ZDHHC11B: variants seen among roughly 807,000 people sequenced by gnomAD.
ZDHHC11B encodes the protein zDHHC palmitoyltransferase 11B (putative), also known as probable palmitoyltransferase ZDHHC11B.
ZDHHC11B carries 17 observed loss-of-function variants against 42.3 expected under a neutral mutation model. The ratio of observed to expected loss-of-function variants is 0.40; its 90% CI spans 0.27 to 0.60. The LOEUF is 0.60. Ranked by LOEUF, ZDHHC11B falls within the 20% of genes least tolerant of loss-of-function variation. The probability of loss-of-function intolerance (pLI) is 0.41; values close to 1 mark genes in which losing one functional copy is unlikely to be tolerated. For synonymous variants in ZDHHC11B, 123 were observed against 193.5 expected (o/e 0.64, Z 3.02); for missense variants, 262 against 463.2 (o/e 0.57, Z 3.99).
chr5:715,174 A>T (rs575635386), intron 13 of ZDHHC11B, among the ~76,000 whole-genome samples: 1 of 150,928 alleles, frequency 6.6e-6, no homozygotes, highest in South Asian at 2.1e-4. Flanking sequence ...AGACTAAGAC[A>T]CGCCTTGTGT....
intron 4 of ZDHHC11B, 98 bp downstream of exon 4, chr5:766,600 G>A: frequency 2.3e-6 from 3 of 1,302,342 alleles, no homozygotes; most frequent in Admixed American, 2.1e-5. Context: ...GGTGACTGGT[G>A]CCACCGGGCA....
At chr5:783,607 C>T (rs1303179275) in intron 1 of ZDHHC11B, among the ~76,000 whole-genome samples, 354 of 150,714 alleles carry the variant, frequency 2.3e-3, no homozygotes, top group Non-Finnish European at 3.4e-3. Context: ...AACGCAACAC[C>T]CCATCAAAAC....
chr5:730,421 C>G lies in ZDHHC11B; in HGVS notation c.1058+13G>C. The G allele has an allele frequency of 6.3e-7, 1 of 1,577,078 alleles. No individual in the cohort carries two copies. Among genetic ancestry groups the G allele is most frequent in the Non-Finnish European group, 8.6e-7 (1 of 1,168,194 alleles). On this transcript the variant is annotated intron_variant, in intron 12 of 13. Transcript: ENST00000508859. ...AGACAGATAAAACGTTCCCATTAAA[C>G]TTACGAACTTACCCAAGTGTAGATG... is the stretch of plus-strand genomic sequence containing the variant.
chr5:767,281 G>A (rs531099531), intron 3 of ZDHHC11B, 111 bp downstream of exon 3: 253 of 1,267,800 alleles, frequency 2.0e-4, no homozygotes, highest in Admixed American at 3.2e-4. Flanking sequence ...CCATCTGGAC[G>A]GCTGCGGGAT....
chr5:756,435 G>A (rs1294897213), intron 4 of ZDHHC11B, among the ~76,000 whole-genome samples: 5 of 151,718 alleles, frequency 3.3e-5, no homozygotes, highest in Middle Eastern at 3.2e-3. Flanking sequence ...GAGAAGATGA[G>A]GCTACCCATC....
At chr5:744,843 C>T (rs1415197441) in intron 9 of ZDHHC11B, among the ~76,000 whole-genome samples, 1 of 148,630 alleles carries the variant, frequency 6.7e-6, no homozygotes, top group Non-Finnish European at 1.5e-5. Context: ...TTCACTCCAC[C>T]CTGGGCAACA....
At chr5:754,250 G>A (rs1746233326) in intron 6 of ZDHHC11B, among the ~76,000 whole-genome samples, 4 of 122,610 alleles carry the variant, frequency 3.3e-5, no homozygotes, top group African/African-American at 1.2e-4. Context: ...ACCGTGCTCA[G>A]GGGAAACACC....
At chr5:763,755 AATTTTTAAGTGAGAT>A (rs1362856086) in intron 4 of ZDHHC11B, among the ~76,000 whole-genome samples, 9 of 151,926 alleles carry the variant, frequency 5.9e-5, no homozygotes, top group Non-Finnish European at 1.0e-4. Context: ...ATGGCTATAT[AATTTTTAAGTGAGAT>A]ATTTTTAAGT....
chr5:756,406 C>T (rs1466004071), intron 4 of ZDHHC11B, among the ~76,000 whole-genome samples: 1 of 151,822 alleles, frequency 6.6e-6, no homozygotes, highest in Non-Finnish European at 1.5e-5. Flanking sequence ...GCACACACAG[C>T]CCTGCTCACC....
chr5:769,847 G>C (rs1371447385), intron 1 of ZDHHC11B, among the ~76,000 whole-genome samples: 1 of 151,986 alleles, frequency 6.6e-6, no homozygotes, highest in Non-Finnish European at 1.5e-5. Flanking sequence ...CTCGGGATGT[G>C]AACCCTTCCT....
intron 12 of ZDHHC11B, 39 bp downstream of exon 12, chr5:730,395 C>T: frequency 1.3e-6 from 2 of 1,571,606 alleles, no homozygotes; most frequent in South Asian, 1.2e-5. Flanking sequence ...GGCAAGTGTA[C>T]AGACAGATAA....
chr5:744,551 C>T (rs7724634), intron 9 of ZDHHC11B, among the ~76,000 whole-genome samples: 96,183 of 145,996 alleles, frequency 0.66, 30,195 homozygotes, highest in Middle Eastern at 0.76. Context: ...GTCACTTAAC[C>T]GGAAAGGGAA....
chr5:758,223 G>A lies in ZDHHC11B; in HGVS notation c.223-2079C>T, dbSNP rs1213061704. On this transcript the variant is annotated intron_variant, in intron 4 of 13. Coordinates refer to ENST00000508859, the MANE Select transcript of ZDHHC11B (RefSeq NM_001351303.2). Reference sequence around the variant, plus strand: ...GGACAATGAGATGAGGCAGGAAGCTGCACTGTGGCCCAGGGGAAGCCCCTT... The same window carrying A: ...GGACAATGAGATGAGGCAGGAAGCTACACTGTGGCCCAGGGGAAGCCCCTT... Among the ~76,000 whole-genome samples, 9 of 151,982 alleles carry A rather than the reference G, an allele frequency of 5.9e-5. No individual in the cohort carries two copies. The South Asian group carries it at 1.5e-3, about 25-fold the overall frequency.
chr5:752,627 G>C (rs1745924969), intron 6 of ZDHHC11B, among the ~76,000 whole-genome samples: 2 of 96,858 alleles, frequency 2.1e-5, no homozygotes, highest in East Asian at 4.2e-4. Context: ...GACGCAGTTA[G>C]GGCACAGCTG....
At chr5:772,239 C>T (rs1437418191) in intron 1 of ZDHHC11B, among the ~76,000 whole-genome samples, 1 of 149,482 alleles carries the variant, frequency 6.7e-6, no homozygotes, top group Non-Finnish European at 1.5e-5. Context: ...ACGGTCCGGC[C>T]CGCGGCCCCT....
intron 10 of ZDHHC11B, among the ~76,000 whole-genome samples, chr5:741,325 G>A (rs944609659): frequency 1.3e-5 from 2 of 149,272 alleles, no homozygotes; most frequent in South Asian, 2.3e-4. Flanking sequence ...ATAAATAAGC[G>A]GGTCGTACTC....
intron 4 of ZDHHC11B, among the ~76,000 whole-genome samples, chr5:760,353 C>T (rs569011067): frequency 6.6e-6 from 1 of 151,836 alleles, no homozygotes; most frequent in East Asian, 1.9e-4. Context: ...GGCATCTTTA[C>T]AAAAACGGGA....
In ZDHHC11B at chr5:712,276, T is replaced by G; in HGVS notation, c.*14A>C. ...AGAAGACCTGGATCACAGGGGCACCTGAGCTCCTGCAGGACAAAACAAAGT... is the reference window on the plus strand; with the variant it reads ...AGAAGACCTGGATCACAGGGGCACCGGAGCTCCTGCAGGACAAAACAAAGT... On this transcript the variant is annotated 3_prime_UTR_variant, in exon 14 of 14. Coordinates refer to ENST00000508859, the MANE Select transcript of ZDHHC11B (RefSeq NM_001351303.2). The G allele has an allele frequency of 9.3e-6, 1 of 107,934 alleles. No individual in the cohort carries two copies. Among genetic ancestry groups the G allele is most frequent in the Non-Finnish European group, 1.9e-5 (1 of 53,134 alleles). The allele number at this position is 107,934 out of a possible 1,614,324, so 6.7% of individuals were successfully genotyped here.
rs1027783033 is a variant in ZDHHC11B, at chr5:742,355, C to T, written c.901-727G>A. ...TTTGTTTGTTGTTTTTTTACAATTGCACTTTGAAAGCTCTTTGTGTCTTTG... is the reference window on the plus strand; with the variant it reads ...TTTGTTTGTTGTTTTTTTACAATTGTACTTTGAAAGCTCTTTGTGTCTTTG... On this transcript the variant is annotated intron_variant, in intron 9 of 13. Transcript: ENST00000508859. Among the ~76,000 whole-genome samples, 10 of 146,542 alleles carry T rather than the reference C, an allele frequency of 6.8e-5. 2 individuals carry two copies. The highest frequency in any genetic ancestry group is 4.2e-4 in the Admixed American group (6 of 14,118).
Sources: gnomAD v4.1 joint callset for allele counts (sites outside exome capture counted in the v4.1 genomes callset) on GRCh38, gnomAD v4.1.1 for gene constraint, MANE v1.5 for transcripts, NCBI Gene and HGNC (gene_info 2026-07-23, HGNC 2026-07-21) for gene names.